SPRY3: variants seen among roughly 807,000 people sequenced by gnomAD.
SPRY3 encodes the protein protein sprouty homolog 3.
A neutral mutation model predicts 20.2 loss-of-function variants in SPRY3; 15 were observed. The observed-to-expected ratio is 0.74, with a 90% CI of 0.50 to 1.14. SPRY3 has a LOEUF of 1.14. Among genes scored for constraint, SPRY3 ranks in the 50% most tolerant of loss-of-function variants. The pLI, the probability that SPRY3 is intolerant of heterozygous loss-of-function variation, is 0.00. For missense variants in SPRY3, 364 were observed against 363.9 expected, an observed-to-expected ratio of 1.00 and a Z score of 0.00; for synonymous variants, 143 against 136.5, an observed-to-expected ratio of 1.05 and a Z score of -0.33.
At chrX:155,653,425 T>C (rs985243023) in intron 1 of SPRY3, among the ~76,000 whole-genome samples, 11 of 112,069 alleles carry the variant, frequency 9.8e-5, no homozygotes, top group Admixed American at 9.5e-4. Flanking sequence ...TTATACATAA[T>C]GTTAGGTAAA....
At chrX:155,733,878 ACC>A (rs1157878359) in intron 2 of SPRY3, among the ~76,000 whole-genome samples, 1 of 152,036 alleles carries the variant, frequency 6.6e-6, no homozygotes, top group African/African-American at 2.4e-5. Flanking sequence ...AATCTCATGA[ACC>A]AGCCTCTGCT....
chrX:155,728,283 TGAG>T (rs1268451010), intron 2 of SPRY3, among the ~76,000 whole-genome samples: 3 of 152,136 alleles, frequency 2.0e-5, no homozygotes, highest in Non-Finnish European at 4.4e-5. Context: ...GGGACCCACT[TGAG>T]GAGGCGGTCT....
chrX:155,615,942 A>T, intron 1 of SPRY3, among the ~76,000 whole-genome samples: 1 of 111,097 alleles, frequency 9.0e-6, no homozygotes, highest in Non-Finnish European at 1.9e-5. Flanking sequence ...ATGGGAAGAT[A>T]ATAAGGTGTT....
chrX:155,755,238 A>G (rs1381279478), intron 2 of SPRY3, among the ~76,000 whole-genome samples: 5 of 149,430 alleles, frequency 3.3e-5, no homozygotes, highest in Admixed American at 3.3e-4. Context: ...CTTTTACCCC[A>G]ATGTCTTTAA....
chrX:155,730,638 C>T (rs970273044), intron 2 of SPRY3, among the ~76,000 whole-genome samples: 3 of 151,864 alleles, frequency 2.0e-5, no homozygotes, highest in South Asian at 2.1e-4. Context: ...CTGTTACTAA[C>T]GTAGCATTAG....
At chrX:155,624,534 A>G (rs1343422298) in intron 1 of SPRY3, among the ~76,000 whole-genome samples, 2 of 109,129 alleles carry the variant, frequency 1.8e-5, no homozygotes, top group African/African-American at 6.6e-5. Context: ...CTATCTATCT[A>G]TCTATCTATC....
At chrX:155,670,408 A>G (rs1455045194) in intron 2 of SPRY3, among the ~76,000 whole-genome samples, 1 of 111,760 alleles carries the variant, frequency 8.9e-6, no homozygotes, top group African/African-American at 3.2e-5. Context: ...TCTTGCAGCG[A>G]CAAGTCAATT....
chrX:155,739,622 C>A (rs1418584736), intron 2 of SPRY3, among the ~76,000 whole-genome samples: 1 of 152,160 alleles, frequency 6.6e-6, no homozygotes, highest in Non-Finnish European at 1.5e-5. Context: ...CGGCTGCCAT[C>A]TTTGCTGTTT....
At chrX:155,639,355 T>G (rs1569562434) in intron 1 of SPRY3, among the ~76,000 whole-genome samples, 1 of 112,339 alleles carries the variant, frequency 8.9e-6, no homozygotes, top group East Asian at 2.8e-4. Context: ...TTTTTTGGTT[T>G]GTTTGTGGTA....
At chrX:155,703,753 A>T (rs1188455103) in intron 2 of SPRY3, among the ~76,000 whole-genome samples, 2 of 151,396 alleles carry the variant, frequency 1.3e-5, no homozygotes, top group Non-Finnish European at 1.5e-5. Context: ...GTAGGCATTT[A>T]GTGCAATAAA....
intron 1 of SPRY3, among the ~76,000 whole-genome samples, chrX:155,656,631 G>A (rs1351372072): frequency 1.8e-5 from 2 of 110,874 alleles, no homozygotes; most frequent in Non-Finnish European, 3.8e-5. Context: ...CCAGTTTTGT[G>A]CCCTTGCTGG....
intron 2 of SPRY3, among the ~76,000 whole-genome samples, chrX:155,717,411 T>C (rs1489058832): frequency 7.9e-5 from 12 of 152,196 alleles, no homozygotes; most frequent in Admixed American, 6.5e-4. Flanking sequence ...AAAAATACTT[T>C]AAGTTCTGGG....
Position 155,632,219 on chromosome X carries a change from C to CCA in SPRY3, c.-441+19598_-441+19599dup, listed in dbSNP as rs55865452. Among the ~76,000 whole-genome samples the CCA allele has an allele frequency of 3.0e-3, 292 of 98,644 alleles. 1 individual carries two copies. Among genetic ancestry groups the CCA allele is most frequent in the South Asian group, 6.6e-3 (13 of 1,978 alleles). 85.7% of individuals were successfully genotyped at this position (98,644 alleles called of 115,157 possible). A position where few individuals can be genotyped will look rare whatever the true frequency, so the allele number is the denominator to read the frequency against. ...TCATCATATGTGATTTCCACAGCCACCACACACACACACACACACACACAC... is the reference window on the plus strand; with the variant it reads ...TCATCATATGTGATTTCCACAGCCACCACACACACACACACACACACACACAC... On this transcript the variant is annotated intron_variant, in intron 1 of 3. Transcript: ENST00000675360.
At chrX:155,725,300 C>T (rs1349036807) in intron 2 of SPRY3, among the ~76,000 whole-genome samples, 1 of 152,126 alleles carries the variant, frequency 6.6e-6, no homozygotes, top group Admixed American at 6.5e-5. Context: ...GTGCCTCTGC[C>T]AGGCTTTGGT....
At chrX:155,758,788 A>G (rs1335019127) in intron 2 of SPRY3, among the ~76,000 whole-genome samples, 1 of 152,232 alleles carries the variant, frequency 6.6e-6, no homozygotes, top group Non-Finnish European at 1.5e-5. Flanking sequence ...GTTCCTGATA[A>G]TGATTACTTT....
chrX:155,719,321 T>C (rs2091041347), intron 2 of SPRY3, among the ~76,000 whole-genome samples: 1 of 152,122 alleles, frequency 6.6e-6, no homozygotes, highest in African/African-American at 2.4e-5. Context: ...AAACATGAGT[T>C]GTGCAAGCCT....
intron 1 of SPRY3, among the ~76,000 whole-genome samples, chrX:155,631,349 A>G (rs1557350506): frequency 8.9e-6 from 1 of 112,179 alleles, no homozygotes; most frequent in African/African-American, 3.2e-5. Flanking sequence ...TCTGCCATTG[A>G]TGGGCACCAG....
chrX:155,717,352 C>T (rs2091030223), intron 2 of SPRY3, among the ~76,000 whole-genome samples: 1 of 151,932 alleles, frequency 6.6e-6, no homozygotes, highest in African/African-American at 2.4e-5. Flanking sequence ...AGGACTACAA[C>T]ATCAGGCTAG....
chrX:155,682,351 G>A lies in SPRY3; in HGVS notation c.-282+25326G>A, dbSNP rs755143195. Among the ~76,000 whole-genome samples the A allele has an allele frequency of 2.7e-5, 3 of 112,351 alleles. No individual in the cohort carries two copies. In the South Asian group the frequency reaches 1.1e-3, roughly 42 times the overall value. On this transcript the variant is annotated intron_variant, in intron 2 of 3. Transcript: ENST00000675360. ...CAAAATATTACTGCCCATTGATAAT[G>A]CACCTGCTAGGTCAAGAGCTCTGAT...
Sources: gnomAD v4.1 joint callset for allele counts (sites outside exome capture counted in the v4.1 genomes callset) on GRCh38, gnomAD v4.1.1 for gene constraint, MANE v1.5 for transcripts, NCBI Gene and HGNC (gene_info 2026-07-23, HGNC 2026-07-21) for gene names.